The following GJC1 variants were observed in gnomAD, a reference collection of about 807,000 sequenced individuals.
GJC1 encodes gap junction protein gamma 1, also known as gap junction gamma-1 protein.
Under a neutral mutation model 29.3 loss-of-function variants are expected in GJC1, and 5 were observed. That is an observed-to-expected ratio of 0.17 (90% CI 0.09 to 0.36). GJC1 has a LOEUF of 0.36. Among genes scored for constraint, GJC1 ranks in the 10% least tolerant of loss-of-function variants. The pLI, the probability that GJC1 is intolerant of heterozygous loss-of-function variation, is 1.00. For missense variants in GJC1, 310 were observed against 496.2 expected, an observed-to-expected ratio of 0.62 and a Z score of 3.56; for synonymous variants, 177 against 183.3, an observed-to-expected ratio of 0.97 and a Z score of 0.28.
rs1316200373 is a variant in GJC1 at position 44,800,654 on chromosome 17, G to A, written c.*3973C>T. On this transcript the variant is annotated 3_prime_UTR_variant, in exon 3 of 3. Coordinates refer to ENST00000592524, the MANE Select transcript of GJC1 (RefSeq NM_005497.4). ...CTGATAACATGTAAGTCCATTCTTC[G>A]TATAAACTGCTAGAGAGTGTTTCAG... The A allele has an allele frequency of 1.3e-5, 2 of 152,212 alleles. No individual in the cohort carries two copies. Among genetic ancestry groups the A allele is most frequent in the East Asian group, 1.9e-4 (1 of 5,184 alleles). The allele number at this position is 152,212 out of a possible 1,614,324, so 9.4% of individuals were successfully genotyped here.
chr17:44,829,570 G>C (rs554822937), intron 1 of GJC1: 1 of 152,284 alleles, frequency 6.6e-6, no homozygotes, highest in South Asian at 2.1e-4. Flanking sequence ...AGCCTCAGAC[G>C]AGCCCGCACG....
At chr17:44,809,757 A>G (rs2049952821) in intron 1 of GJC1, among the ~76,000 whole-genome samples, 1 of 151,188 alleles carries the variant, frequency 6.6e-6, no homozygotes, top group African/African-American at 2.4e-5. Context: ...TTTAGTAGAG[A>G]CGGGGTTTCT....
chr17:44,825,960 G>A (rs569435935), intron 1 of GJC1, among the ~76,000 whole-genome samples: 1 of 152,006 alleles, frequency 6.6e-6, no homozygotes, highest in South Asian at 2.1e-4. Flanking sequence ...TCGCTCTGTC[G>A]CCCAGGCTGG....
At chr17:44,824,753 C>T (rs1297884238) in intron 1 of GJC1, among the ~76,000 whole-genome samples, 1 of 147,008 alleles carries the variant, frequency 6.8e-6, no homozygotes, top group Non-Finnish European at 1.5e-5. Flanking sequence ...GAGGTTGCAG[C>T]GAGCCGAGAT....
At chr17:44,806,586 A>G (rs1597742604) in intron 2 of GJC1, among the ~76,000 whole-genome samples, 1 of 151,768 alleles carries the variant, frequency 6.6e-6, no homozygotes, top group East Asian at 1.9e-4. Context: ...ATGGGGTTTC[A>G]CCATGTTGGC....
chr17:44,794,411 A>C (rs1184646238), downstream of GJC1: 1 of 152,196 alleles, frequency 6.6e-6, no homozygotes, highest in Non-Finnish European at 1.5e-5. Flanking sequence ...AGTTTCCCCG[A>C]TCTTCCTGCA....
rs762160655 is a variant in GJC1, at chr17:44,801,357, T to C, written c.*3270A>G. ...GTGTTAAGGAACATAATCATGTTGA[T>C]TGTATCCTGATTCTAGCAGGTGAAG... On this transcript the variant is annotated 3_prime_UTR_variant, in exon 3 of 3. Coordinates refer to ENST00000592524, the MANE Select transcript of GJC1 (RefSeq NM_005497.4). 6.6e-6 allele frequency: 1 copy of C among 152,174 alleles called. No homozygotes were observed. The highest frequency in any genetic ancestry group is 2.1e-4 in the South Asian group (1 of 4,824). The allele number at this position is 152,174 out of a possible 1,614,324, so 9.4% of individuals were successfully genotyped here. A position where few individuals can be genotyped will look rare whatever the true frequency, so the allele number is the denominator to read the frequency against.
chr17:44,800,275 A>AT lies in GJC1; in HGVS notation c.*4351dup. ...AGGTACCCACCACCACGCCCGGCTA[A>AT]TTTTTGGTATTTTTAGTAGAGACGG... is the stretch of plus-strand genomic sequence containing the variant. On this transcript the variant is annotated 3_prime_UTR_variant, in exon 3 of 3. Transcript: ENST00000592524. The AT allele has an allele frequency of 6.6e-6, 1 of 152,094 alleles. No individual in the cohort carries two copies. The highest frequency in any genetic ancestry group is 1.9e-4 in the East Asian group (1 of 5,160). 9.4% of individuals were successfully genotyped at this position (152,094 alleles called of 1,614,324 possible).
chr17:44,828,351 G>C (rs536167758), intron 1 of GJC1, among the ~76,000 whole-genome samples: 2 of 152,236 alleles, frequency 1.3e-5, no homozygotes, highest in African/African-American at 4.8e-5. Flanking sequence ...ACTGTTTCTG[G>C]TAGAAAACAA....
intron 1 of GJC1, among the ~76,000 whole-genome samples, chr17:44,809,099 C>A (rs1015072066): frequency 6.6e-6 from 1 of 151,962 alleles, no homozygotes; most frequent in Non-Finnish European, 1.5e-5. Context: ...ACAAAACAAA[C>A]AAACAAAAGA....
In GJC1 at chr17:44,824,302, G is replaced by A. The variant is rs140083338; in HGVS notation, c.-97+5760C>T. The stretch of plus-strand genomic sequence containing the variant: ...ATTACAGGTGTGAGCCACCGCACCC[G>A]GCCTCTTTTTTCAAATAGAGACTGT... On this transcript the variant is annotated intron_variant, in intron 1 of 2. Coordinates refer to ENST00000592524, the MANE Select transcript of GJC1 (RefSeq NM_005497.4). 4.2e-3 allele frequency among the ~76,000 whole-genome samples: 639 copies of A among 151,958 alleles called. 11 individuals carry two copies. The highest frequency in any genetic ancestry group is 0.03 in the Admixed American group (459 of 15,222).
At chr17:44,797,115 A>AT (rs529272163), downstream of GJC1, among the ~76,000 whole-genome samples, 2 of 151,524 alleles carry the variant, frequency 1.3e-5, no homozygotes, top group Non-Finnish European at 2.9e-5. Flanking sequence ...TTTAATTATT[A>AT]TTTTTTTTGA....
At position 44,804,534 on chromosome 17, in the gene GJC1, C is replaced by T. The variant is rs2049889093; in HGVS notation, c.*93G>A. 3.9e-6 allele frequency: 4 copies of T among 1,031,064 alleles called. No individual in the cohort carries two copies. Among genetic ancestry groups the T allele is most frequent in the Non-Finnish European group, 5.8e-6 (4 of 689,556 alleles). The allele number at this position is 1,031,064 out of a possible 1,614,324, so 63.9% of individuals were successfully genotyped here. ...GAGCCAACAGCATCCCTGAAGATAA[C>T]CAGAGCCAAATGTTTACTCAATGGA... is the stretch of plus-strand genomic sequence containing the variant. On this transcript the variant is annotated 3_prime_UTR_variant, in exon 3 of 3. Coordinates refer to ENST00000592524, the MANE Select transcript of GJC1 (RefSeq NM_005497.4).
intron 1 of GJC1, among the ~76,000 whole-genome samples, chr17:44,816,982 G>A (rs184910528): frequency 0.012 from 1,894 of 151,972 alleles, 17 homozygotes; most frequent in Non-Finnish European, 0.019. Flanking sequence ...AGGCCAAGGC[G>A]GGCGGATCAC....
chr17:44,814,539 TCACA>T (rs1324504457), intron 1 of GJC1, among the ~76,000 whole-genome samples: 1 of 152,032 alleles, frequency 6.6e-6, no homozygotes, highest in Non-Finnish European at 1.5e-5. Context: ...ATTCACTCAC[TCACA>T]CACAAAAAAC....
intron 1 of GJC1, among the ~76,000 whole-genome samples, chr17:44,813,483 AC>A (rs2050007251): frequency 3.1e-5 from 3 of 95,412 alleles, no homozygotes; most frequent in Admixed American, 1.1e-4. Context: ...CTTCCAAGTT[AC>A]TTTTTTTTTT....
Position 44,812,819 on chromosome 17 carries a change from TTG to T in GJC1, c.-96-5352_-96-5351del, listed in dbSNP as rs200189797. On this transcript the variant is annotated intron_variant, in intron 1 of 2. Transcript: ENST00000592524. ...CGTGCCACCATGCCCGGCTAATTTT[TTG>T]TATTTTTAGTAGAGACAGGGTTTCA... 2.6e-3 allele frequency among the ~76,000 whole-genome samples: 397 copies of T among 151,600 alleles called. 4 individuals carry two copies. The highest frequency in any genetic ancestry group is 9.4e-3 in the African/African-American group (387 of 41,338).
intron 1 of GJC1, chr17:44,807,937 T>C (rs1196772765): frequency 6.6e-6 from 1 of 152,130 alleles, no homozygotes; most frequent in Non-Finnish European, 1.5e-5. Flanking sequence ...CAGCTGGCTC[T>C]CAGTCACAGG....
intron 1 of GJC1, among the ~76,000 whole-genome samples, 168 bp downstream of exon 1, chr17:44,829,894 A>C (rs2050212490): frequency 6.6e-6 from 1 of 151,528 alleles, no homozygotes; most frequent in Non-Finnish European, 1.5e-5. Context: ...CTCGGCGGGA[A>C]CCCCTCGGCG....
Sources: gnomAD v4.1 joint callset for allele counts (sites outside exome capture counted in the v4.1 genomes callset) on GRCh38, gnomAD v4.1.1 for gene constraint, MANE v1.5 for transcripts, NCBI Gene and HGNC (gene_info 2026-07-23, HGNC 2026-07-21) for gene names.